The following ZNF536 variants were observed in gnomAD, a reference collection of about 807,000 sequenced individuals.
ZNF536 encodes zinc finger protein 536.
A neutral mutation model predicts 84.5 loss-of-function variants in ZNF536; 13 were observed. The observed-to-expected ratio is 0.15, with a 90% CI of 0.10 to 0.24. ZNF536 has a LOEUF of 0.24. Ranked by LOEUF, ZNF536 falls within the 10% of genes least tolerant of loss-of-function variation. The probability of loss-of-function intolerance (pLI) is 1.00; values close to 1 mark genes in which losing one functional copy is unlikely to be tolerated. For synonymous variants in ZNF536, 811 were observed against 742.5 expected (o/e 1.09, Z -1.50); for missense variants, 1,536 against 1,747.5 (o/e 0.88, Z 2.16).
At chr19:30,356,097 C>T (rs1490846237) in intron 3 of ZNF536, among the ~76,000 whole-genome samples, 1 of 152,220 alleles carries the variant, frequency 6.6e-6, no homozygotes, top group African/African-American at 2.4e-5. Flanking sequence ...AAATCACACA[C>T]ATCAGACAAT....
chr19:30,583,332 C>A (rs2046988241), intron 1 of ZNF536, among the ~76,000 whole-genome samples: 1 of 152,224 alleles, frequency 6.6e-6, no homozygotes, highest in African/African-American at 2.4e-5. Flanking sequence ...TTTCTCCAGG[C>A]TGGTGGGGAG....
chr19:30,430,837 G>A (rs2051425487), intron 1 of ZNF536, among the ~76,000 whole-genome samples: 1 of 152,140 alleles, frequency 6.6e-6, no homozygotes, highest in Admixed American at 6.5e-5. Flanking sequence ...ACCATGCCTG[G>A]ATAATTTTTT....
chr19:30,431,174 G>A (rs187869239), intron 1 of ZNF536, among the ~76,000 whole-genome samples: 1 of 152,258 alleles, frequency 6.6e-6, no homozygotes, highest in East Asian at 1.9e-4. Context: ...CATGAGATGG[G>A]CCACCTGCAG....
At chr19:30,315,893 T>C (rs2146171148) in intron 2 of ZNF536, among the ~76,000 whole-genome samples, 1 of 152,336 alleles carries the variant, frequency 6.6e-6, no homozygotes, top group Non-Finnish European at 1.5e-5. Flanking sequence ...CATATTGTCC[T>C]GAGACTTACT....
At chr19:30,312,159 G>A (rs2046527172) in intron 2 of ZNF536, among the ~76,000 whole-genome samples, 1 of 152,206 alleles carries the variant, frequency 6.6e-6, no homozygotes, top group Non-Finnish European at 1.5e-5. Context: ...CCTGGGTACA[G>A]TTTGCACTTG....
intron 1 of ZNF536, among the ~76,000 whole-genome samples, chr19:30,576,995 G>A (rs764128832): frequency 6.6e-6 from 1 of 152,108 alleles, no homozygotes; most frequent in African/African-American, 2.4e-5. Flanking sequence ...TCTGTTTTTT[G>A]TTGTTGTTGT....
chr19:30,476,007 G>A (rs748259540), intron 2 of ZNF536, among the ~76,000 whole-genome samples: 2 of 152,162 alleles, frequency 1.3e-5, no homozygotes, highest in Non-Finnish European at 2.9e-5. Context: ...AGACGGCAAC[G>A]GAGTCGAACT....
At chr19:30,456,613 G>C (rs2052859254) in intron 2 of ZNF536, among the ~76,000 whole-genome samples, 2 of 152,150 alleles carry the variant, frequency 1.3e-5, no homozygotes, top group Admixed American at 1.3e-4. Flanking sequence ...ACGCCACTCT[G>C]TGACTTATTT....
At chr19:30,389,141 T>G (rs2049471739) in intron 1 of ZNF536, among the ~76,000 whole-genome samples, 1 of 152,174 alleles carries the variant, frequency 6.6e-6, no homozygotes, top group Non-Finnish European at 1.5e-5. Flanking sequence ...CTAGTGTGAG[T>G]TCACCCAGTC....
chr19:30,388,414 C>T (rs1397384327), intron 1 of ZNF536, among the ~76,000 whole-genome samples: 1 of 152,214 alleles, frequency 6.6e-6, no homozygotes, highest in East Asian at 1.9e-4. Flanking sequence ...GGCGACCCCG[C>T]TCCTCCAGCC....
chr19:30,551,857 C>A (rs2045796249), intron 4 of ZNF536, among the ~76,000 whole-genome samples: 1 of 152,288 alleles, frequency 6.6e-6, no homozygotes, highest in South Asian at 2.1e-4. Flanking sequence ...TGCCCTCTTG[C>A]CTCTAGGATG....
At chr19:30,437,798 T>TCTGG (rs2051823695) in intron 1 of ZNF536, among the ~76,000 whole-genome samples, 1 of 152,216 alleles carries the variant, frequency 6.6e-6, no homozygotes, top group African/African-American at 2.4e-5. Flanking sequence ...GGTAAGGACA[T>TCTGG]CTGGCTGCCT....
At chr19:30,454,830 C>T (rs1450164068) in intron 2 of ZNF536, among the ~76,000 whole-genome samples, 3 of 152,230 alleles carry the variant, frequency 2.0e-5, no homozygotes, top group East Asian at 1.9e-4. Flanking sequence ...GTCAGGAGTT[C>T]GAGACCAGCC....
intron 1 of ZNF536, among the ~76,000 whole-genome samples, chr19:30,689,081 C>T (rs1262350748): frequency 6.6e-6 from 1 of 152,264 alleles, no homozygotes; most frequent in African/African-American, 2.4e-5. Flanking sequence ...CGGAGAGAGG[C>T]ACTAGCCTGA....
chr19:30,593,605 C>G (rs1341777960), intron 1 of ZNF536, among the ~76,000 whole-genome samples: 4 of 152,212 alleles, frequency 2.6e-5, no homozygotes, highest in African/African-American at 9.6e-5. Flanking sequence ...GGCGAGGCAG[C>G]CTTGGCTCTG....
intron 1 of ZNF536, among the ~76,000 whole-genome samples, chr19:30,565,270 G>A (rs1322036067): frequency 6.6e-6 from 1 of 151,894 alleles, no homozygotes; most frequent in South Asian, 2.1e-4. Flanking sequence ...GCTTCTTCAA[G>A]GGTAAGGTCA....
At chr19:30,539,319 T>C (rs543869891) in intron 3 of ZNF536, among the ~76,000 whole-genome samples, 3 of 152,138 alleles carry the variant, frequency 2.0e-5, no homozygotes, top group East Asian at 1.9e-4. Flanking sequence ...GCAAAGCGAG[T>C]GCACTCCCCC....
chr19:30,649,541 G>A, intron 1 of ZNF536, among the ~76,000 whole-genome samples: 1 of 140,152 alleles, frequency 7.1e-6, no homozygotes, highest in African/African-American at 2.7e-5. Context: ...TATTAAAGCA[G>A]CATTTTCCTT....
chr19:30,294,440 A>G (rs2145843062), intron 2 of ZNF536, among the ~76,000 whole-genome samples: 1 of 152,324 alleles, frequency 6.6e-6, no homozygotes, highest in Non-Finnish European at 1.5e-5. Flanking sequence ...AATAATTTTT[A>G]TTCCTCAACA....
Sources: gnomAD v4.1 joint callset for allele counts (sites outside exome capture counted in the v4.1 genomes callset) on GRCh38, gnomAD v4.1.1 for gene constraint, MANE v1.5 for transcripts, NCBI Gene and HGNC (gene_info 2026-07-23, HGNC 2026-07-21) for gene names.